The following ADIG variants were observed in gnomAD, a reference collection of about 807,000 sequenced individuals.
The protein encoded by ADIG is adipogenin, also known as adipogenesis associated.
In ADIG, 12 loss-of-function variants were observed where a neutral mutation model predicts 10.7. That is an observed-to-expected ratio of 1.12 (90% confidence interval 0.72 to 1.82). The LOEUF is 1.82. Ranked by LOEUF, ADIG falls within the 40% of genes most tolerant of loss-of-function variation. The pLI, the probability that ADIG is intolerant of heterozygous loss-of-function variation, is 0.00. For synonymous variants in ADIG, 32 were observed against 35.6 expected, an observed-to-expected ratio of 0.90 and a Z score of 0.36; for missense variants, 72 against 92.5, an observed-to-expected ratio of 0.78 and a Z score of 0.91.
intron 1 of ADIG, chr20:38,585,650 A>G (rs1404602057): frequency 1.0e-6 from 1 of 989,470 alleles, no homozygotes; most frequent in Non-Finnish European, 1.5e-6. Context: ...AGTGGAGATC[A>G]TTGTGCCTTT....
intron 1 of ADIG, chr20:38,585,661 G>A: frequency 5.6e-6 from 5 of 890,040 alleles, no homozygotes; most frequent in Non-Finnish European, 8.4e-6. Flanking sequence ...TTGTGCCTTT[G>A]TACTCAGATG....
intron 2 of ADIG, among the ~76,000 whole-genome samples, chr20:38,587,830 C>T (rs2088650726): frequency 6.6e-6 from 1 of 151,826 alleles, no homozygotes; most frequent in Non-Finnish European, 1.5e-5. Flanking sequence ...TTCTTCCTCC[C>T]CAGTTCAAGC....
Position 38,586,137 on chromosome 20 carries a change from C to T in ADIG, c.233C>T (p.Pro78Leu), listed in dbSNP as rs1315359324. Residue 78 changes from proline (P) to leucine (L), a missense_variant, in exon 2 of 3, where the codon CCC (proline) becomes CTC (leucine). Coordinates refer to ENST00000537425, the MANE Select transcript of ADIG (RefSeq NM_001393816.1). ...CTCCACGGCCAAGAGAAGGAGAGGC[C>T]CTGCTGGTGAGCCTGCTGTGCCAGG... ...GTLHGQEKER[P>L]CW The T allele has an allele frequency of 5.6e-6, 9 of 1,593,526 alleles. No individual in the cohort carries two copies. Among genetic ancestry groups the T allele is most frequent in the African/African-American group, 1.3e-5 (1 of 74,624 alleles).
rs1435665720 is a variant in ADIG, at chr20:38,581,341, T to C, written c.91T>C (p.Leu31=). 2.0e-5 allele frequency: 32 copies of C among 1,613,924 alleles called. No individual in the cohort carries two copies. The East Asian group carries it at 5.6e-4, about 28-fold the overall frequency. Reference sequence around the variant, plus strand: ...CCTCCCTGTGGGTTTGCTGTTGTTATTGATCATCTGGCTACGCTTCTTACT... The same window carrying C: ...CCTCCCTGTGGGTTTGCTGTTGTTACTGATCATCTGGCTACGCTTCTTACT... ...FCLPVGLLLL[L]IIWLRFLLSQ... The change falls in exon 1 of 3, where the codon TTG becomes CTG. Residue 31 remains leucine (L), a synonymous_variant. Coordinates refer to ENST00000537425, the MANE Select transcript of ADIG (RefSeq NM_001393816.1).
rs1482320523 is a variant in ADIG, at chr20:38,588,396, C to T, written c.*310C>T. ...GAGGGGTCTTAAAGCAGGGCTGGGC[C>T]GGAGGGTGTGGGTCCATATTAAAGA... is the stretch of plus-strand genomic sequence containing the variant. On this transcript the variant is annotated 3_prime_UTR_variant, in exon 3 of 3. Coordinates refer to ENST00000537425, the MANE Select transcript of ADIG (RefSeq NM_001393816.1). 6 of 1,259,896 alleles carry T rather than the reference C, an allele frequency of 4.8e-6. No individual in the cohort carries two copies. Among genetic ancestry groups the T allele is most frequent in the East Asian group, 5.7e-5 (1 of 17,658 alleles). The allele number at this position is 1,259,896 out of a possible 1,614,324, so 78.0% of individuals were successfully genotyped here.
rs1325684515 is a variant in ADIG at position 38,585,819 on chromosome 20, A to C, written c.125-210A>C. On this transcript the variant is annotated intron_variant, in intron 1 of 2. Transcript: ENST00000537425. ...TCTAGATACGGCCATTTTCCAAGTC[A>C]CAGGAGCAGCCTTCTTTCTTGGTCC... 9.7e-6 allele frequency: 6 copies of C among 615,678 alleles called. No homozygotes were observed. The East Asian group carries it at 1.7e-4, about 17-fold the overall frequency. 38.1% of individuals were successfully genotyped at this position (615,678 alleles called of 1,614,324 possible).
intron 1 of ADIG, among the ~76,000 whole-genome samples, chr20:38,584,344 C>G (rs1375976752): frequency 6.6e-6 from 1 of 152,192 alleles, no homozygotes; most frequent in Admixed American, 6.5e-5. Flanking sequence ...CACACACACC[C>G]TTCAAGGGGA....
intron 1 of ADIG, chr20:38,585,551 C>G (rs1043967201): frequency 6.5e-7 from 1 of 1,547,958 alleles, no homozygotes; most frequent in South Asian, 1.2e-5. Context: ...AGCTTAGTCA[C>G]CCAGATCTCT....
intron 1 of ADIG, chr20:38,585,303 C>T (rs1408083597): frequency 3.2e-6 from 3 of 943,480 alleles, no homozygotes; most frequent in Non-Finnish European, 1.6e-6. Flanking sequence ...CCCTACCTCC[C>T]CAAGATGAGT....
intron 2 of ADIG, among the ~76,000 whole-genome samples, chr20:38,586,882 T>C (rs1286922770): frequency 7.1e-6 from 1 of 140,038 alleles, no homozygotes; most frequent in Admixed American, 6.9e-5. Context: ...CATACTCTCA[T>C]GTGAGGTGTC....
chr20:38,588,212 A>G lies in ADIG; in HGVS notation c.*126A>G, dbSNP rs560022739. 81 of 1,304,256 alleles carry G rather than the reference A, an allele frequency of 6.2e-5. No homozygotes were observed. The South Asian group carries it at 9.3e-4, about 15-fold the overall frequency. The allele number at this position is 1,304,256 out of a possible 1,614,324, so 80.8% of individuals were successfully genotyped here. ...CTGTGGTGCCTCCCTGGAACCCCCA[A>G]CTCATCTCCTCTTCAGACCGACATG... On this transcript the variant is annotated 3_prime_UTR_variant, in exon 3 of 3. Coordinates refer to ENST00000537425, the MANE Select transcript of ADIG (RefSeq NM_001393816.1).
chr20:38,586,822 C>A (rs1017947321), intron 2 of ADIG, among the ~76,000 whole-genome samples: 1 of 148,190 alleles, frequency 6.7e-6, no homozygotes, highest in Non-Finnish European at 1.5e-5. Context: ...TTATGAAATC[C>A]TATGATGAGG....
chr20:38,582,548 C>G (rs2088598371), intron 1 of ADIG, among the ~76,000 whole-genome samples: 1 of 152,198 alleles, frequency 6.6e-6, no homozygotes, highest in South Asian at 2.1e-4. Context: ...CACACCCCTG[C>G]TAGCCCCATG....
intron 1 of ADIG, 105 bp downstream of exon 1, chr20:38,581,479 TC>T: frequency 3.4e-6 from 5 of 1,485,526 alleles, no homozygotes; most frequent in Non-Finnish European, 4.6e-6. Context: ...CTTCCTTCAG[TC>T]ATTTTAAGTG....
chr20:38,586,831 G>A (rs1267952367), intron 2 of ADIG, among the ~76,000 whole-genome samples: 2 of 139,392 alleles, frequency 1.4e-5, no homozygotes, highest in Non-Finnish European at 3.0e-5. Context: ...CCTATGATGA[G>A]GATATGATTC....
chr20:38,586,386 A>G (rs1382258461), intron 2 of ADIG: 4 of 505,496 alleles, frequency 7.9e-6, no homozygotes, highest in African/African-American at 3.9e-5. Context: ...AGCCTTTACA[A>G]AGGTCCCCTA....
intron 1 of ADIG, among the ~76,000 whole-genome samples, chr20:38,582,603 C>T (rs1475899185): frequency 1.3e-5 from 2 of 152,154 alleles, no homozygotes; most frequent in African/African-American, 4.8e-5. Flanking sequence ...TTGGGAGTTC[C>T]TGGCAAGAAC....
intron 2 of ADIG, 136 bp downstream of exon 2, chr20:38,586,297 G>C (rs2088636181): frequency 1.5e-6 from 1 of 661,732 alleles, no homozygotes; most frequent in African/African-American, 1.8e-5. Flanking sequence ...GTTCTCTCCA[G>C]CATGTGAGAG....
chr20:38,583,792 T>C (rs2088608890), intron 1 of ADIG, among the ~76,000 whole-genome samples: 1 of 152,200 alleles, frequency 6.6e-6, no homozygotes, highest in Non-Finnish European at 1.5e-5. Context: ...ACTGGTGTCA[T>C]GTGGCGTTTT....
Sources: gnomAD v4.1 joint callset for allele counts (sites outside exome capture counted in the v4.1 genomes callset) on GRCh38, gnomAD v4.1.1 for gene constraint, MANE v1.5 for transcripts, NCBI Gene and HGNC (gene_info 2026-07-23, HGNC 2026-07-21) for gene names.